PTPRD: variants seen among roughly 807,000 people sequenced by gnomAD.
PTPRD encodes the protein protein tyrosine phosphatase receptor type D.
Under a neutral mutation model 214.5 loss-of-function variants are expected in PTPRD, and 34 were observed. The ratio of observed to expected loss-of-function variants is 0.16; its 90% CI spans 0.12 to 0.21. The LOEUF is 0.21. PTPRD is among the 10% of genes least tolerant of loss of function. PTPRD has a pLI of 1.00. For missense variants in PTPRD, 2,545 were observed against 2,398.7 expected (o/e 1.06, Z -1.27); for synonymous variants, 1,128 against 845.7 (o/e 1.33, Z -5.79).
chr9:9,243,715 C>T (rs1250317191), intron 9 of PTPRD, among the ~76,000 whole-genome samples: 17 of 152,184 alleles, frequency 1.1e-4, no homozygotes, highest in Admixed American at 2.6e-4. Flanking sequence ...AAGCATTCCC[C>T]TTGAAAACTG....
At chr9:8,832,150 T>C (rs957047608) in intron 11 of PTPRD, among the ~76,000 whole-genome samples, 2 of 151,792 alleles carry the variant, frequency 1.3e-5, no homozygotes, top group Non-Finnish European at 2.9e-5. Context: ...TCTATACATA[T>C]GTCTGATGAC....
chr9:10,249,085 C>A (rs1250132392), intron 3 of PTPRD, among the ~76,000 whole-genome samples: 1 of 152,070 alleles, frequency 6.6e-6, no homozygotes, highest in Non-Finnish European at 1.5e-5. Context: ...TATCTTAAGT[C>A]AGCAAATTTG....
At chr9:9,440,028 G>C (rs966268274) in intron 8 of PTPRD, among the ~76,000 whole-genome samples, 3 of 152,134 alleles carry the variant, frequency 2.0e-5, no homozygotes, top group Non-Finnish European at 4.4e-5. Context: ...GAAAGCAAAA[G>C]GTTAGGTTGT....
intron 6 of PTPRD, among the ~76,000 whole-genome samples, chr9:9,741,556 T>G (rs1174642439): frequency 6.6e-6 from 1 of 152,132 alleles, no homozygotes; most frequent in African/African-American, 2.4e-5. Context: ...GCTGCACCCA[T>G]CAACCCATCA....
intron 11 of PTPRD, among the ~76,000 whole-genome samples, chr9:8,873,155 G>A (rs940031446): frequency 6.6e-6 from 1 of 152,146 alleles, no homozygotes; most frequent in Non-Finnish European, 1.5e-5. Flanking sequence ...CTGGAGGGCA[G>A]GGACTATGTC....
intron 11 of PTPRD, among the ~76,000 whole-genome samples, chr9:8,901,109 C>A (rs991418574): frequency 1.3e-5 from 2 of 152,090 alleles, no homozygotes; most frequent in African/African-American, 2.4e-5. Context: ...AAGGGCAAAA[C>A]ACAAGGAACA....
intron 33 of PTPRD, among the ~76,000 whole-genome samples, chr9:8,454,826 GT>G (rs1303845493): frequency 6.6e-6 from 1 of 151,534 alleles, no homozygotes; most frequent in Non-Finnish European, 1.5e-5. Flanking sequence ...GTGTGTGTGT[GT>G]GTGTGTGTGT....
chr9:9,937,426 T>TAAA lies in PTPRD; in HGVS notation c.-368+1078_-368+1080dup, dbSNP rs35495271. ...GTGTTTTAATAGTTCCATAGATAAA[T>TAAA]AAAAAAAAAAAATAGTTCCATAGAA... is the stretch of plus-strand genomic sequence containing the variant. On this transcript the variant is annotated intron_variant, in intron 5 of 45. Coordinates refer to ENST00000381196, the MANE Select transcript of PTPRD (RefSeq NM_002839.4). 6.2e-3 allele frequency among the ~76,000 whole-genome samples: 903 copies of TAAA among 144,696 alleles called. 7 individuals carry two copies. The highest frequency in any genetic ancestry group is 0.021 in the African/African-American group (848 of 39,890). The allele number at this position is 144,696 out of a possible 152,430, so 94.9% of individuals were successfully genotyped here.
chr9:10,406,298 A>G (rs1323862879), intron 2 of PTPRD, among the ~76,000 whole-genome samples: 2 of 151,620 alleles, frequency 1.3e-5, no homozygotes, highest in African/African-American at 4.8e-5. Context: ...CATTTAAGTT[A>G]CCATATAACC....
At chr9:10,394,390 G>A (rs1240642613) in intron 2 of PTPRD, among the ~76,000 whole-genome samples, 2 of 151,252 alleles carry the variant, frequency 1.3e-5, no homozygotes, top group African/African-American at 4.9e-5. Context: ...GAATAATTTG[G>A]CAATAAATGA....
chr9:9,220,565 C>G (rs1409044519), intron 9 of PTPRD, among the ~76,000 whole-genome samples: 1 of 151,946 alleles, frequency 6.6e-6, no homozygotes, highest in Non-Finnish European at 1.5e-5. Context: ...GGGGATGCTC[C>G]ATGATATAAT....
intron 39 of PTPRD, among the ~76,000 whole-genome samples, chr9:8,372,114 G>A (rs1418151153): frequency 6.6e-6 from 1 of 151,984 alleles, no homozygotes; most frequent in Non-Finnish European, 1.5e-5. Context: ...GCATCAACAT[G>A]TTCTCTCTCA....
chr9:10,063,980 A>C (rs2097829026), intron 3 of PTPRD, among the ~76,000 whole-genome samples: 1 of 152,016 alleles, frequency 6.6e-6, no homozygotes, highest in African/African-American at 2.4e-5. Context: ...CAATAGTAAA[A>C]ACACACCAAA....
At chr9:8,517,732 C>T in intron 21 of PTPRD, 116 bp downstream of exon 21, 1 of 883,980 alleles carries the variant, frequency 1.1e-6, no homozygotes, top group South Asian at 1.8e-5. Flanking sequence ...CTTTGAAGCC[C>T]TAAATCTCAA....
chr9:10,070,597 A>G (rs1487548690), intron 3 of PTPRD, among the ~76,000 whole-genome samples: 1 of 152,084 alleles, frequency 6.6e-6, no homozygotes, highest in Admixed American at 6.6e-5. Flanking sequence ...ATTTATGGAG[A>G]TCATAAAATC....
chr9:8,633,511 CAGCTAA>C (rs1254922658), intron 13 of PTPRD, 53 bp from the exon 14 acceptor site: 53 of 1,593,148 alleles, frequency 3.3e-5, no homozygotes, highest in Non-Finnish European at 4.1e-5. Flanking sequence ...GTCTACCTCT[CAGCTAA>C]AGCTCTCAAT....
intron 12 of PTPRD, among the ~76,000 whole-genome samples, chr9:8,660,199 C>G (rs2097010042): frequency 6.6e-6 from 1 of 152,190 alleles, no homozygotes; most frequent in Admixed American, 6.5e-5. Flanking sequence ...TGTACATGCT[C>G]TTGTCTTACA....
At chr9:10,402,207 T>C (rs78350660) in intron 2 of PTPRD, among the ~76,000 whole-genome samples, 2,976 of 151,802 alleles carry the variant, frequency 0.02, 84 homozygotes, top group African/African-American at 0.067. Context: ...ATCTTCAGAT[T>C]GTCTTATGAA....
intron 3 of PTPRD, among the ~76,000 whole-genome samples, chr9:10,133,632 G>A (rs1165714188): frequency 6.6e-6 from 1 of 151,966 alleles, no homozygotes; most frequent in Non-Finnish European, 1.5e-5. Flanking sequence ...ATAACTATAA[G>A]TCCACCATAA....
Sources: gnomAD v4.1 joint callset for allele counts (sites outside exome capture counted in the v4.1 genomes callset) on GRCh38, gnomAD v4.1.1 for gene constraint, MANE v1.5 for transcripts, NCBI Gene and HGNC (gene_info 2026-07-23, HGNC 2026-07-21) for gene names.